The following JAZF1 variants were observed in gnomAD, a reference collection of about 807,000 sequenced individuals.
JAZF1 encodes the protein JAZF zinc finger 1.
Under a neutral mutation model 26.4 loss-of-function variants are expected in JAZF1, and 8 were observed. That is an observed-to-expected ratio of 0.30 (90% CI 0.18 to 0.55). JAZF1 has a LOEUF of 0.55. Among genes scored for constraint, JAZF1 ranks in the 20% least tolerant of loss-of-function variants. The pLI is 0.94. For synonymous variants in JAZF1, 126 were observed against 122.3 expected, an observed-to-expected ratio of 1.03 and a Z score of -0.20; for missense variants, 199 against 322.0, an observed-to-expected ratio of 0.62 and a Z score of 2.92.
intron 2 of JAZF1, among the ~76,000 whole-genome samples, chr7:27,896,450 CCCA>C (rs1784064110): frequency 6.6e-6 from 1 of 152,138 alleles, no homozygotes; most frequent in Admixed American, 6.5e-5. Context: ...CACAGCTGTC[CCCA>C]CCACCTAGGC....
At chr7:28,138,115 A>T (rs373337599) in intron 1 of JAZF1, among the ~76,000 whole-genome samples, 2 of 152,284 alleles carry the variant, frequency 1.3e-5, no homozygotes, top group East Asian at 3.9e-4. Context: ...AACCATACCT[A>T]CTACCTGCTA....
intron 1 of JAZF1, among the ~76,000 whole-genome samples, chr7:28,064,213 C>T (rs963279148): frequency 6.6e-6 from 1 of 152,032 alleles, no homozygotes; most frequent in South Asian, 2.1e-4. Flanking sequence ...TATATATTTA[C>T]TTATTTTTGT....
At chr7:27,981,470 T>C (rs1294739249) in intron 2 of JAZF1, among the ~76,000 whole-genome samples, 1 of 152,184 alleles carries the variant, frequency 6.6e-6, no homozygotes, top group Non-Finnish European at 1.5e-5. Flanking sequence ...AATCTGAATA[T>C]TAGATTAGAA....
chr7:27,963,438 T>C (rs1023634829), intron 2 of JAZF1, among the ~76,000 whole-genome samples: 6 of 152,232 alleles, frequency 3.9e-5, no homozygotes, highest in African/African-American at 1.4e-4. Flanking sequence ...ATTACTCATA[T>C]TAAGTTATAA....
intron 1 of JAZF1, among the ~76,000 whole-genome samples, chr7:28,007,312 A>T (rs1782721012): frequency 1.3e-5 from 2 of 152,026 alleles, no homozygotes; most frequent in Admixed American, 1.3e-4. Context: ...TACTGAAAAT[A>T]AAAAAAATTA....
intron 3 of JAZF1, among the ~76,000 whole-genome samples, chr7:27,864,321 A>G (rs1009739125): frequency 5.3e-5 from 8 of 152,256 alleles, no homozygotes; most frequent in African/African-American, 1.9e-4. Flanking sequence ...GAAATTCTGC[A>G]TGTATTTAAA....
chr7:27,909,896 A>G (rs745312917), intron 2 of JAZF1, among the ~76,000 whole-genome samples: 4 of 152,214 alleles, frequency 2.6e-5, no homozygotes, highest in Non-Finnish European at 2.9e-5. Context: ...AAAATGGAAG[A>G]AAGGAAAGAC....
intron 3 of JAZF1, among the ~76,000 whole-genome samples, chr7:27,875,180 C>T (rs377067899): frequency 8.5e-5 from 13 of 152,310 alleles, no homozygotes; most frequent in South Asian, 2.1e-4. Flanking sequence ...AGCCTCCACT[C>T]GGCTGCCTGG....
intron 2 of JAZF1, among the ~76,000 whole-genome samples, chr7:27,929,962 CCCT>C (rs1784660635): frequency 6.8e-6 from 1 of 147,872 alleles, no homozygotes; most frequent in African/African-American, 2.5e-5. Flanking sequence ...CTCTCTCTCC[CCCT>C]CTCTCCCTCC....
In JAZF1 at chr7:27,845,465, G is replaced by A. The variant is rs186500801; in HGVS notation, c.386-4598C>T. 7.9e-3 allele frequency among the ~76,000 whole-genome samples: 1,204 copies of A among 152,252 alleles called. 5 individuals carry two copies. Among genetic ancestry groups the A allele is most frequent in the Non-Finnish European group, 0.013 (864 of 68,010 alleles). On this transcript the variant is annotated intron_variant, in intron 3 of 4. Coordinates refer to ENST00000283928, the MANE Select transcript of JAZF1 (RefSeq NM_175061.4). ...TGTAATCCCAGCACTTTGGGAGGCC[G>A]AGGCGGGTGGATCACGAGGTCAGGA...
intron 3 of JAZF1, among the ~76,000 whole-genome samples, chr7:27,881,448 C>A (rs1192370255): frequency 1.3e-5 from 2 of 152,062 alleles, no homozygotes; most frequent in Admixed American, 1.3e-4. Context: ...ACACTTTTTT[C>A]AAAGAATGCT....
At chr7:27,943,185 T>C (rs1784875137) in intron 2 of JAZF1, among the ~76,000 whole-genome samples, 1 of 152,136 alleles carries the variant, frequency 6.6e-6, no homozygotes, top group South Asian at 2.1e-4. Context: ...AAGGGGACTG[T>C]CTCAAGTGAA....
At chr7:27,933,949 A>G (rs1784725127) in intron 2 of JAZF1, among the ~76,000 whole-genome samples, 1 of 152,256 alleles carries the variant, frequency 6.6e-6, no homozygotes, top group South Asian at 2.1e-4. Flanking sequence ...AACTGTACAC[A>G]GGTTTCTTAA....
At chr7:28,162,469 G>A (rs1303364387) in intron 1 of JAZF1, among the ~76,000 whole-genome samples, 2 of 152,176 alleles carry the variant, frequency 1.3e-5, no homozygotes, top group South Asian at 2.1e-4. Flanking sequence ...ATGTAAGGTT[G>A]GGCCTATTTG....
intron 1 of JAZF1, among the ~76,000 whole-genome samples, chr7:28,068,379 T>C (rs1023112317): frequency 6.6e-6 from 1 of 152,204 alleles, no homozygotes; most frequent in Non-Finnish European, 1.5e-5. Context: ...AAGCTTCTCA[T>C]GCATGCATAA....
At chr7:28,132,798 T>C (rs1782817737) in intron 1 of JAZF1, among the ~76,000 whole-genome samples, 1 of 152,214 alleles carries the variant, frequency 6.6e-6, no homozygotes, top group South Asian at 2.1e-4. Context: ...AATGTATAAA[T>C]ATTCAATTTA....
At chr7:28,053,890 C>G (rs542530030) in intron 1 of JAZF1, among the ~76,000 whole-genome samples, 1 of 152,242 alleles carries the variant, frequency 6.6e-6, no homozygotes, top group African/African-American at 2.4e-5. Flanking sequence ...ACACCCCGAG[C>G]AGCTCTGCAT....
intron 3 of JAZF1, among the ~76,000 whole-genome samples, chr7:27,878,920 T>C (rs1039247727): frequency 6.6e-6 from 1 of 152,212 alleles, no homozygotes; most frequent in Admixed American, 6.5e-5. Context: ...AAGACATACA[T>C]TATTATTTTT....
chr7:27,957,451 G>A lies in JAZF1; in HGVS notation c.188+34458C>T, dbSNP rs978495129. Reference sequence around the variant, plus strand: ...GGGACATTTCTGCAGGATTTCAAACGACGCAGCTGGTGTGAAGCATTGTAC... The same window carrying A: ...GGGACATTTCTGCAGGATTTCAAACAACGCAGCTGGTGTGAAGCATTGTAC... On this transcript the variant is annotated intron_variant, in intron 2 of 4. Coordinates refer to ENST00000283928, the MANE Select transcript of JAZF1 (RefSeq NM_175061.4). Among the ~76,000 whole-genome samples, 5 of 152,188 alleles carry A rather than the reference G, an allele frequency of 3.3e-5. No individual in the cohort carries two copies. In the East Asian group the frequency reaches 9.6e-4, roughly 29 times the overall value.
Sources: gnomAD v4.1 joint callset for allele counts (sites outside exome capture counted in the v4.1 genomes callset) on GRCh38, gnomAD v4.1.1 for gene constraint, MANE v1.5 for transcripts, NCBI Gene and HGNC (gene_info 2026-07-23, HGNC 2026-07-21) for gene names.